The following SLC9B1 variants were observed in gnomAD, a reference collection of about 807,000 sequenced individuals.
SLC9B1 encodes the protein solute carrier family 9 member B1.
Under a neutral mutation model 51.7 loss-of-function variants are expected in SLC9B1, and 32 were observed. That is an observed-to-expected ratio of 0.62 (90% CI 0.47 to 0.83). SLC9B1 has a LOEUF of 0.83. Among genes scored for constraint, SLC9B1 ranks in the 40% least tolerant of loss-of-function variants. SLC9B1 has a pLI of 0.00. For synonymous variants in SLC9B1, 145 were observed against 212.7 expected, an observed-to-expected ratio of 0.68 and a Z score of 2.77; for missense variants, 406 against 613.2, an observed-to-expected ratio of 0.66 and a Z score of 3.57.
intron 11 of SLC9B1, among the ~76,000 whole-genome samples, chr4:102,895,702 G>A (rs1296147451): frequency 6.6e-6 from 1 of 152,062 alleles, no homozygotes; most frequent in African/African-American, 2.4e-5. Flanking sequence ...GTTTAAATGG[G>A]GACTAAGGAT....
At chr4:103,001,835 C>A (rs190205886) in intron 1 of SLC9B1, among the ~76,000 whole-genome samples, 1 of 152,302 alleles carries the variant, frequency 6.6e-6, no homozygotes, top group Admixed American at 6.5e-5. Flanking sequence ...GTCCCATTTT[C>A]ACACTGCTAT....
chr4:102,892,063 C>T (rs1278737568), intron 11 of SLC9B1: 1 of 152,074 alleles, frequency 6.6e-6, no homozygotes, highest in Non-Finnish European at 1.5e-5. Flanking sequence ...ATTTTATCTA[C>T]TTTCATATAT....
chr4:102,896,700 C>CG (rs1436954278), downstream of SLC9B1: 1 of 152,138 alleles, frequency 6.6e-6, no homozygotes, highest in Non-Finnish European at 1.5e-5. Flanking sequence ...GGGGTTTTAC[C>CG]GGGGGACCCT....
chr4:102,990,062 A>T, intron 2 of SLC9B1, 121 bp from the exon 3 acceptor site: 1 of 798,950 alleles, frequency 1.3e-6, no homozygotes, highest in Non-Finnish European at 1.9e-6. Context: ...GGAATCACAG[A>T]TACAAAAGAA....
At chr4:102,899,366 C>CTTA (rs1734684307), downstream of SLC9B1, among the ~76,000 whole-genome samples, 1 of 149,486 alleles carries the variant, frequency 6.7e-6, no homozygotes, top group Non-Finnish European at 1.5e-5. Context: ...GAAATCTAAT[C>CTTA]CTCTTGTGAA....
chr4:103,002,296 A>G (rs554640478), intron 1 of SLC9B1, among the ~76,000 whole-genome samples: 2 of 152,352 alleles, frequency 1.3e-5, no homozygotes, highest in East Asian at 1.9e-4. Context: ...TCAATGTTAC[A>G]TAACTATAAA....
At chr4:103,010,493 T>C (rs867118147) in intron 1 of SLC9B1, among the ~76,000 whole-genome samples, 1 of 152,200 alleles carries the variant, frequency 6.6e-6, no homozygotes, top group Non-Finnish European at 1.5e-5. Context: ...CATAGTAGTG[T>C]CTTAGTCTAT....
intron 7 of SLC9B1, among the ~76,000 whole-genome samples, chr4:102,929,493 T>C (rs1228808488): frequency 1.3e-5 from 2 of 152,240 alleles, no homozygotes; most frequent in Admixed American, 1.3e-4. Flanking sequence ...TCTCAGTGTT[T>C]GGCATAGTAG....
intron 1 of SLC9B1, among the ~76,000 whole-genome samples, chr4:103,009,601 A>AT (rs751596037): frequency 2.6e-5 from 4 of 152,158 alleles, no homozygotes; most frequent in Non-Finnish European, 4.4e-5. Context: ...CAAAGCTGGG[A>AT]TTTTCAATTC....
At chr4:102,997,002 C>T (rs561618951) in intron 1 of SLC9B1, among the ~76,000 whole-genome samples, 18 of 151,374 alleles carry the variant, frequency 1.2e-4, no homozygotes, top group Middle Eastern at 3.4e-3. Flanking sequence ...CTATATTGCT[C>T]AGGCTGGTCT....
At chr4:102,922,939 C>G (rs1021719637) in intron 7 of SLC9B1, among the ~76,000 whole-genome samples, 22 of 152,064 alleles carry the variant, frequency 1.4e-4, no homozygotes, top group Non-Finnish European at 3.1e-4. Context: ...AAAAAAAAGT[C>G]CAGGACCAGA....
At chr4:103,012,077 T>C (rs1300636720) in intron 1 of SLC9B1, among the ~76,000 whole-genome samples, 1 of 152,248 alleles carries the variant, frequency 6.6e-6, no homozygotes, top group Non-Finnish European at 1.5e-5. Flanking sequence ...TTTCCAATTC[T>C]TTAAGTTCTG....
chr4:103,010,206 T>C (rs724446), intron 1 of SLC9B1, among the ~76,000 whole-genome samples: 83,036 of 151,940 alleles, frequency 0.55, 23,263 homozygotes, highest in African/African-American at 0.68. Context: ...TTCTTTCTCA[T>C]AGTTCTGGAG....
chr4:103,005,696 A>G (rs1017735785), intron 1 of SLC9B1, among the ~76,000 whole-genome samples: 1 of 152,058 alleles, frequency 6.6e-6, no homozygotes, highest in Non-Finnish European at 1.5e-5. Flanking sequence ...AATTGGCCAC[A>G]TGATCAGCCA....
At chr4:102,922,985 A>G (rs1735960491) in intron 7 of SLC9B1, among the ~76,000 whole-genome samples, 1 of 152,220 alleles carries the variant, frequency 6.6e-6, no homozygotes, top group Middle Eastern at 3.2e-3. Context: ...AGGCACAAAG[A>G]GGAGCTGGTA....
intron 3 of SLC9B1, among the ~76,000 whole-genome samples, chr4:102,982,177 G>A (rs1236347308): frequency 6.6e-6 from 1 of 151,590 alleles, no homozygotes; most frequent in Non-Finnish European, 1.5e-5. Flanking sequence ...TTGCTCCATT[G>A]TATTGCCTTT....
chr4:102,984,199 C>T (rs1486037139), intron 3 of SLC9B1, among the ~76,000 whole-genome samples: 1 of 152,028 alleles, frequency 6.6e-6, no homozygotes, highest in Non-Finnish European at 1.5e-5. Flanking sequence ...TCATTATAGC[C>T]TCTGCCTCCT....
intron 3 of SLC9B1, among the ~76,000 whole-genome samples, chr4:102,978,481 C>G (rs1364295022): frequency 6.6e-6 from 1 of 152,094 alleles, no homozygotes; most frequent in Non-Finnish European, 1.5e-5. Context: ...AAAAAACAAA[C>G]AATCCCATCA....
rs537945373 is a variant in SLC9B1 at position 103,003,966 on chromosome 4, A to C, written c.-1-12254T>G. 2.0e-5 allele frequency among the ~76,000 whole-genome samples: 3 copies of C among 152,312 alleles called. No individual in the cohort carries two copies. In the East Asian group the frequency reaches 5.8e-4, roughly 29 times the overall value. On this transcript the variant is annotated intron_variant, in intron 1 of 11. Transcript: ENST00000296422. ...CCCCATCTATAGGACAACAACTTAA[A>C]TGTTGAAGGAACATGAGCCCACACA...
Sources: allele counts gnomAD v4.1 joint callset (sites outside exome capture counted in the v4.1 genomes callset), GRCh38; gene constraint gnomAD v4.1.1; transcripts MANE v1.5; gene names NCBI Gene and HGNC (gene_info 2026-07-23, HGNC 2026-07-21).